Variants in LRCH3 observed in about 807,000 individuals in gnomAD.
The protein encoded by LRCH3 is leucine rich repeats and calponin homology domain containing 3.
LRCH3 carries 68 observed loss-of-function variants against 104.5 expected under a neutral mutation model. The observed-to-expected ratio is 0.65, with a 90% CI of 0.54 to 0.80. LRCH3 has a LOEUF of 0.80. LRCH3 is among the 30% of genes least tolerant of loss of function. The pLI is 0.00. For missense variants in LRCH3, 951 were observed against 953.9 expected (o/e 1.00, Z 0.04); for synonymous variants, 344 against 361.3 (o/e 0.95, Z 0.54).
At chr3:197,791,948 C>G (rs1442276875) in intron 1 of LRCH3, among the ~76,000 whole-genome samples, 1 of 152,060 alleles carries the variant, frequency 6.6e-6, no homozygotes, top group African/African-American at 2.4e-5. Context: ...GGTGTCTGGA[C>G]GAGCTGCATT....
At chr3:197,796,323 A>G (rs570116767) in intron 1 of LRCH3, among the ~76,000 whole-genome samples, 1 of 152,198 alleles carries the variant, frequency 6.6e-6, no homozygotes, top group East Asian at 1.9e-4. Flanking sequence ...TGTTTTAGGC[A>G]TTATGCTGGG....
chr3:197,812,397 C>T (rs1733224007), intron 1 of LRCH3, among the ~76,000 whole-genome samples: 2 of 150,092 alleles, frequency 1.3e-5, no homozygotes, highest in South Asian at 4.2e-4. Flanking sequence ...ATGGAAATAT[C>T]TGTTCACCCA....
At chr3:197,822,167 G>A (rs911434328) in intron 4 of LRCH3, among the ~76,000 whole-genome samples, 1 of 152,126 alleles carries the variant, frequency 6.6e-6, no homozygotes, top group African/African-American at 2.4e-5. Flanking sequence ...AAAACCTTGC[G>A]TGTCTTTCCT....
intron 10 of LRCH3, among the ~76,000 whole-genome samples, chr3:197,843,153 A>G (rs530325635): frequency 6.6e-6 from 1 of 152,176 alleles, no homozygotes; most frequent in East Asian, 1.9e-4. Flanking sequence ...AGGAGAGATG[A>G]TAATACCAGA....
chr3:197,828,457 T>A (rs1361801935), intron 5 of LRCH3, among the ~76,000 whole-genome samples: 1 of 151,928 alleles, frequency 6.6e-6, no homozygotes, highest in Non-Finnish European at 1.5e-5. Context: ...ACTATTCTTC[T>A]GCCTCAGCTT....
intron 4 of LRCH3, among the ~76,000 whole-genome samples, chr3:197,821,608 C>T (rs568156571): frequency 2.3e-4 from 35 of 152,302 alleles, no homozygotes; most frequent in South Asian, 1.0e-3. Context: ...AAGGAATCTT[C>T]TCAAGGTATT....
In LRCH3 at chr3:197,847,987, A is replaced by G. The variant is rs1307523972; in HGVS notation, c.1496A>G (p.Gln499Arg). Residue 499 changes from glutamine (Q) to arginine (R), a missense_variant, in exon 12 of 21, where the codon CAG becomes CGG. By Grantham distance (43) the Gln-to-Arg change is conservative. Coordinates refer to ENST00000425562, the MANE Select transcript of LRCH3 (RefSeq NM_001365715.1). Reference sequence around the variant, plus strand: ...GAGGAGGAGAAAATAAGGACCAAGCAGATCCAGAGAGATGCTGTCCTGGAC... The same window carrying G: ...GAGGAGGAGAAAATAAGGACCAAGCGGATCCAGAGAGATGCTGTCCTGGAC... The part of the protein sequence containing the change: ...QYEEEKIRTK[Q>R]IQRDAVLDFV... 1.9e-6 allele frequency: 3 copies of G among 1,614,196 alleles called. No homozygotes were observed. The highest frequency in any genetic ancestry group is 1.7e-6 in the Non-Finnish European group (2 of 1,180,026).
chr3:197,836,777 A>G (rs568704378), intron 9 of LRCH3, among the ~76,000 whole-genome samples: 1 of 152,298 alleles, frequency 6.6e-6, no homozygotes, highest in Non-Finnish European at 1.5e-5. Context: ...TCCCAGGTTC[A>G]AGTGATTGTC....
chr3:197,861,434 G>C lies in LRCH3; in HGVS notation c.1716+2529G>C, dbSNP rs150575702. On this transcript the variant is annotated intron_variant, in intron 15 of 20. Transcript: ENST00000425562. The stretch of plus-strand genomic sequence containing the variant: ...CTTCGGGCATTGTGGCTTATTCAGA[G>C]TCATAACTGAGAGTTGTTTTGACTG... Among the ~76,000 whole-genome samples, 32 of 152,274 alleles carry C rather than the reference G, an allele frequency of 2.1e-4. 1 individual carries two copies. Among genetic ancestry groups the C allele is most frequent in the African/African-American group, 7.0e-4 (29 of 41,560 alleles).
intron 14 of LRCH3, among the ~76,000 whole-genome samples, chr3:197,858,051 G>A (rs1458198295): frequency 2.6e-5 from 4 of 152,004 alleles, no homozygotes; most frequent in East Asian, 1.9e-4. Context: ...TAAGCTCTTG[G>A]CATTTTGTTG....
At chr3:197,827,434 TCATAGTGGAAGCATCAGGTAAAC>T (rs1735357527) in intron 5 of LRCH3, among the ~76,000 whole-genome samples, 1 of 148,930 alleles carries the variant, frequency 6.7e-6, no homozygotes, top group East Asian at 2.0e-4. Context: ...ATCAGGCAAA[TCATAGTGGAAGCATCAGGTAAAC>T]CATAGTGGAA....
chr3:197,867,209 A>C (rs1741590314), intron 17 of LRCH3, among the ~76,000 whole-genome samples: 5 of 152,096 alleles, frequency 3.3e-5, no homozygotes, highest in Non-Finnish European at 7.4e-5. Flanking sequence ...CTTGGGAGGC[A>C]GAAGTTGCAG....
rs370040633 is a variant in LRCH3, at chr3:197,847,972, A to C, written c.1481A>C (p.Lys494Thr). Reference protein sequence around the residue: ...QLAALQYEEEKIRTKQIQRDA... With the variant: ...QLAALQYEEETIRTKQIQRDA... ...GCTGCCCTGCAGTATGAGGAGGAGA[A>C]AATAAGGACCAAGCAGATCCAGAGA... Residue 494 changes from lysine to threonine, a missense_variant, in exon 12 of 21, where the codon AAA (lysine) becomes ACA (threonine). Coordinates refer to ENST00000425562, the MANE Select transcript of LRCH3 (RefSeq NM_001365715.1). 1.6e-5 allele frequency: 26 copies of C among 1,614,008 alleles called. No individual in the cohort carries two copies. Among genetic ancestry groups the C allele is most frequent in the African/African-American group, 6.7e-5 (5 of 74,900 alleles).
chr3:197,845,938 T>C (rs1290895395), intron 10 of LRCH3, among the ~76,000 whole-genome samples: 1 of 152,164 alleles, frequency 6.6e-6, no homozygotes, highest in Non-Finnish European at 1.5e-5. Context: ...AAAGCATTTT[T>C]AAAGTTTAGT....
At chr3:197,861,412 C>T (rs116680248) in intron 15 of LRCH3, among the ~76,000 whole-genome samples, 2,512 of 152,230 alleles carry the variant, frequency 0.017, 50 homozygotes, top group African/African-American at 0.057. Flanking sequence ...TGAACACCTT[C>T]GGGCATTGTG....
intron 20 of LRCH3, chr3:197,880,909 A>T: frequency 7.0e-7 from 1 of 1,423,784 alleles, no homozygotes. Context: ...TACGATTGCT[A>T]ACAAAGAGTA....
intron 4 of LRCH3, among the ~76,000 whole-genome samples, chr3:197,820,679 C>T (rs1734391597): frequency 6.6e-6 from 1 of 152,126 alleles, no homozygotes; most frequent in African/African-American, 2.4e-5. Context: ...GGGGCTGGCG[C>T]ACTCTTGTAG....
intron 3 of LRCH3, among the ~76,000 whole-genome samples, chr3:197,818,731 T>C (rs1253795738): frequency 6.6e-6 from 1 of 152,254 alleles, no homozygotes; most frequent in Admixed American, 6.5e-5. Context: ...CAATCCTAAA[T>C]ACTTAAAAGG....
At chr3:197,836,801 C>T (rs1736864140) in intron 9 of LRCH3, among the ~76,000 whole-genome samples, 1 of 152,162 alleles carries the variant, frequency 6.6e-6, no homozygotes, top group African/African-American at 2.4e-5. Context: ...CCTCAGCCTC[C>T]CGAGTAGCTG....
Sources: gnomAD v4.1 joint callset for allele counts (sites outside exome capture counted in the v4.1 genomes callset) on GRCh38, gnomAD v4.1.1 for gene constraint, MANE v1.5 for transcripts, NCBI Gene and HGNC (gene_info 2026-07-23, HGNC 2026-07-21) for gene names.